CD1B: variants seen among roughly 807,000 people sequenced by gnomAD.
CD1B encodes CD1b molecule.
Under a neutral mutation model 39.8 loss-of-function variants are expected in CD1B, and 43 were observed. The observed-to-expected ratio is 1.08, with a 90% CI of 0.85 to 1.39. The LOEUF is 1.39. CD1B is among the 40% of genes most tolerant of loss of function. The probability of loss-of-function intolerance (pLI) is 0.00; values close to 1 mark genes in which losing one functional copy is unlikely to be tolerated. For synonymous variants in CD1B, 192 were observed against 152.5 expected, an observed-to-expected ratio of 1.26 and a Z score of -1.91; for missense variants, 495 against 403.8, an observed-to-expected ratio of 1.23 and a Z score of -1.94.
chr1:158,326,570 T>C (rs868431561), downstream of CD1B, among the ~76,000 whole-genome samples: 7 of 152,260 alleles, frequency 4.6e-5, no homozygotes, highest in Middle Eastern at 6.8e-3. Flanking sequence ...AACTATATAT[T>C]TAATGATATT....
chr1:158,324,677 C>T (rs1252307842), downstream of CD1B, among the ~76,000 whole-genome samples: 2 of 151,938 alleles, frequency 1.3e-5, no homozygotes, highest in Non-Finnish European at 1.5e-5. Flanking sequence ...TTTAGGTTTT[C>T]CCCCTTAGAA....
At chr1:158,310,898 A>C in the CD1B span, among the ~76,000 whole-genome samples, 2 of 152,188 alleles carry the variant, frequency 1.3e-5, no homozygotes, top group Non-Finnish European at 2.9e-5. Flanking sequence ...TGTGAAGGGC[A>C]GTTTGGTGAT....
chr1:158,331,323 C>A, intron 1 of CD1B, 40 bp downstream of exon 1: 3 of 1,568,096 alleles, frequency 1.9e-6, no homozygotes, highest in Non-Finnish European at 2.6e-6. Context: ...AAAATCCAAA[C>A]CCCTGCACCA....
At chr1:158,296,987 A>AAG in the CD1B span, among the ~76,000 whole-genome samples, 16 of 151,242 alleles carry the variant, frequency 1.1e-4, no homozygotes, top group Non-Finnish European at 1.9e-4. Context: ...ATGTCCCTGA[A>AAG]AGAGAGAGAG....
chr1:158,300,889 G>A, the CD1B span, among the ~76,000 whole-genome samples: 2 of 150,700 alleles, frequency 1.3e-5, no homozygotes, highest in Non-Finnish European at 2.9e-5. Flanking sequence ...CTCCTGAGTA[G>A]CTGGGACTAC....
chr1:158,293,183 G>A, the CD1B span: 4 of 1,523,370 alleles, frequency 2.6e-6, no homozygotes, highest in Non-Finnish European at 3.6e-6. Context: ...GTTTAAAATG[G>A]CATCCATGTA....
the CD1B span, among the ~76,000 whole-genome samples, chr1:158,295,509 T>G: frequency 2.0e-5 from 3 of 152,092 alleles, no homozygotes; most frequent in Non-Finnish European, 2.9e-5. Context: ...CTCCAGCTTC[T>G]ATGGAACCCA....
At chr1:158,312,761 T>A in the CD1B span, among the ~76,000 whole-genome samples, 1 of 152,188 alleles carries the variant, frequency 6.6e-6, no homozygotes, top group African/African-American at 2.4e-5. Flanking sequence ...AAGTAATTAG[T>A]ATTTTCTGTA....
chr1:158,309,298 T>G, the CD1B span, among the ~76,000 whole-genome samples: 1,883 of 152,082 alleles, frequency 0.012, 38 homozygotes, highest in African/African-American at 0.04. Context: ...TCTCACAGCC[T>G]TTAGAATGGC....
At chr1:158,291,087 T>C in the CD1B span, 1 of 1,544,228 alleles carries the variant, frequency 6.5e-7, no homozygotes, top group Non-Finnish European at 8.8e-7. Context: ...TCCTTGCCTC[T>C]CTTTTTTTTT....
At chr1:158,318,484 A>G in the CD1B span, among the ~76,000 whole-genome samples, 1 of 151,982 alleles carries the variant, frequency 6.6e-6, no homozygotes, top group Admixed American at 6.6e-5. Context: ...TAGGATTGCA[A>G]TCCCTGCCTT....
At chr1:158,288,156 C>G in the CD1B span, among the ~76,000 whole-genome samples, 1 of 152,134 alleles carries the variant, frequency 6.6e-6, no homozygotes, top group Admixed American at 6.5e-5. Context: ...AAGATAACAC[C>G]TAGTGCTTAT....
At chr1:158,295,150 C>A in the CD1B span, among the ~76,000 whole-genome samples, 1 of 151,818 alleles carries the variant, frequency 6.6e-6, no homozygotes, top group Non-Finnish European at 1.5e-5. Flanking sequence ...GACAAGATGG[C>A]TGACTAGATG....
rs746414866 is a variant in CD1B, at chr1:158,329,596, C to A, written c.660G>T (p.Leu220=). ...ATCCTGAGACATGGCACACAAGCTG[C>A]AGACGGCCAGGTCCAGGACTGGGGC... is the stretch of plus-strand genomic sequence containing the variant. ...SSGPSPGPGR[L]QLVCHVSGFY... is the part of the protein sequence containing the mutation. Residue 220 remains leucine, a synonymous_variant, in exon 4 of 6, where the codon CTG becomes CTT. Transcript: ENST00000368168. 6.2e-7 allele frequency: 1 copy of A among 1,614,104 alleles called. No homozygotes were observed. Among genetic ancestry groups the A allele is most frequent in the Non-Finnish European group, 8.5e-7 (1 of 1,180,036 alleles).
chr1:158,325,965 T>C (rs1652337219), downstream of CD1B, among the ~76,000 whole-genome samples: 1 of 152,106 alleles, frequency 6.6e-6, no homozygotes, highest in Admixed American at 6.6e-5. Flanking sequence ...ACAAATCTAT[T>C]TATTTATTTT....
chr1:158,290,690 T>C, the CD1B span, among the ~76,000 whole-genome samples: 1 of 152,098 alleles, frequency 6.6e-6, no homozygotes, highest in African/African-American at 2.4e-5. Context: ...GAAGTCAGAA[T>C]ATAGATGTAG....
chr1:158,295,030 C>T, the CD1B span, among the ~76,000 whole-genome samples: 1 of 152,120 alleles, frequency 6.6e-6, no homozygotes, highest in Non-Finnish European at 1.5e-5. Flanking sequence ...CCCTTAGTCA[C>T]CCTGTGACCT....
the CD1B span, among the ~76,000 whole-genome samples, chr1:158,307,000 A>G: frequency 6.6e-6 from 1 of 152,092 alleles, no homozygotes. Flanking sequence ...AATTGACACC[A>G]TAACATCACA....
chr1:158,323,804 G>T (rs1177975070), downstream of CD1B, among the ~76,000 whole-genome samples: 1 of 152,180 alleles, frequency 6.6e-6, no homozygotes, highest in African/African-American at 2.4e-5. Flanking sequence ...CAAGGAGGGT[G>T]CCCAAGCTGT....
Sources: allele counts gnomAD v4.1 joint callset (sites outside exome capture counted in the v4.1 genomes callset), GRCh38; gene constraint gnomAD v4.1.1; transcripts MANE v1.5; gene names NCBI Gene and HGNC (gene_info 2026-07-23, HGNC 2026-07-21).